Variants in STK32B observed in about 807,000 individuals in gnomAD.
STK32B encodes serine/threonine-protein kinase 32B.
Under a neutral mutation model 52.6 loss-of-function variants are expected in STK32B, and 43 were observed. The observed-to-expected ratio is 0.82, with a 90% CI of 0.64 to 1.05. The LOEUF (loss-of-function observed/expected upper bound fraction) is 1.05, where lower values mean the gene tolerates loss of function less well. STK32B is among the 50% of genes least tolerant of loss of function. STK32B has a pLI of 0.00. For missense variants in STK32B, 621 were observed against 534.6 expected, an observed-to-expected ratio of 1.16 and a Z score of -1.59; for synonymous variants, 238 against 204.3, an observed-to-expected ratio of 1.17 and a Z score of -1.41.
At chr4:5,164,932 G>A (rs1002402967) in intron 2 of STK32B, among the ~76,000 whole-genome samples, 3 of 152,158 alleles carry the variant, frequency 2.0e-5, no homozygotes, top group Non-Finnish European at 4.4e-5. Context: ...TAATTAAGCT[G>A]TTGTTACCAA....
At chr4:5,266,635 A>G (rs998554197) in intron 3 of STK32B, among the ~76,000 whole-genome samples, 2 of 152,192 alleles carry the variant, frequency 1.3e-5, no homozygotes, top group African/African-American at 4.8e-5. Context: ...TCTCATATTA[A>G]TTGAGTATTT....
chr4:5,028,341 A>G, the STK32B span, among the ~76,000 whole-genome samples: 1 of 152,102 alleles, frequency 6.6e-6, no homozygotes, highest in Non-Finnish European at 1.5e-5. Context: ...ATGATTTTCT[A>G]TTTGTGTGAA....
At chr4:5,322,830 A>G (rs1271593589) in intron 3 of STK32B, among the ~76,000 whole-genome samples, 5 of 152,168 alleles carry the variant, frequency 3.3e-5, no homozygotes, top group Admixed American at 2.6e-4. Flanking sequence ...CCAACTCCAG[A>G]TTTCCCCCAG....
At chr4:5,483,017 A>G (rs1007677037) in intron 11 of STK32B, among the ~76,000 whole-genome samples, 2 of 152,148 alleles carry the variant, frequency 1.3e-5, no homozygotes, top group African/African-American at 4.8e-5. Flanking sequence ...TTTTGCATCA[A>G]TGTTCATCAA....
At chr4:5,496,111 TCAGA>T (rs1720221754) in intron 11 of STK32B, among the ~76,000 whole-genome samples, 1 of 152,226 alleles carries the variant, frequency 6.6e-6, no homozygotes, top group Non-Finnish European at 1.5e-5. Flanking sequence ...TTCAAAGCTG[TCAGA>T]CAGGGACATT....
intron 2 of STK32B, among the ~76,000 whole-genome samples, chr4:5,156,061 A>C (rs1267959608): frequency 6.6e-6 from 1 of 151,950 alleles, no homozygotes; most frequent in African/African-American, 2.4e-5. Context: ...CATACAGTAC[A>C]CATATTCATA....
intron 4 of STK32B, among the ~76,000 whole-genome samples, chr4:5,372,317 G>A (rs1735294876): frequency 6.6e-6 from 1 of 152,138 alleles, no homozygotes; most frequent in Admixed American, 6.5e-5. Context: ...TGTAGCTCTG[G>A]GTACTTCCCT....
At chr4:5,122,487 TCA>T (rs1322062039) in intron 1 of STK32B, among the ~76,000 whole-genome samples, 1 of 152,098 alleles carries the variant, frequency 6.6e-6, no homozygotes, top group Non-Finnish European at 1.5e-5. Context: ...ACTCATTCAT[TCA>T]CACACATTCA....
chr4:5,368,012 CA>C (rs961474432), intron 4 of STK32B, among the ~76,000 whole-genome samples: 1 of 152,288 alleles, frequency 6.6e-6, no homozygotes. Flanking sequence ...GTGTGGAGGT[CA>C]GGGTCTGCCT....
intron 3 of STK32B, among the ~76,000 whole-genome samples, chr4:5,244,320 G>C (rs1200039352): frequency 6.6e-6 from 1 of 152,052 alleles, no homozygotes; most frequent in Non-Finnish European, 1.5e-5. Context: ...TGTATGTGTT[G>C]AGGAATTTAT....
intron 3 of STK32B, among the ~76,000 whole-genome samples, chr4:5,185,145 T>G (rs1720649796): frequency 6.6e-6 from 1 of 152,246 alleles, no homozygotes. Context: ...TTCATTCATG[T>G]GTTCGGACTG....
chr4:5,132,797 CTT>C (rs528617198), intron 1 of STK32B, among the ~76,000 whole-genome samples: 6 of 145,182 alleles, frequency 4.1e-5, no homozygotes, highest in South Asian at 4.4e-4. Flanking sequence ...GAATTTACCA[CTT>C]TTTTTTTTTT....
chr4:5,462,322 C>T (rs899290187), intron 9 of STK32B, among the ~76,000 whole-genome samples: 12 of 150,768 alleles, frequency 8.0e-5, no homozygotes, highest in African/African-American at 2.9e-4. Flanking sequence ...GTCTGTGTGT[C>T]TGTATGTCTA....
intron 4 of STK32B, among the ~76,000 whole-genome samples, chr4:5,336,188 G>C (rs1295335477): frequency 1.3e-5 from 2 of 148,990 alleles, no homozygotes; most frequent in Non-Finnish European, 3.0e-5. Flanking sequence ...ACACACAACT[G>C]AGATCAAAGA....
intron 1 of STK32B, among the ~76,000 whole-genome samples, chr4:5,127,347 C>G (rs370551772): frequency 3.9e-4 from 60 of 152,252 alleles, no homozygotes; most frequent in African/African-American, 1.4e-3. Context: ...GATAACCAGG[C>G]AGCTCTTGAG....
intron 3 of STK32B, among the ~76,000 whole-genome samples, chr4:5,264,339 G>A (rs1425809204): frequency 6.6e-6 from 1 of 152,202 alleles, no homozygotes; most frequent in Middle Eastern, 3.2e-3. Context: ...ATTCTAGGCA[G>A]TGTGCTTTGG....
intron 5 of STK32B, among the ~76,000 whole-genome samples, chr4:5,412,542 T>C (rs992940188): frequency 3.3e-5 from 5 of 152,152 alleles, no homozygotes; most frequent in African/African-American, 1.2e-4. Flanking sequence ...TCAGGACTGT[T>C]TGACCCAGCT....
At chr4:5,326,206 A>G (rs1419578694) in intron 3 of STK32B, among the ~76,000 whole-genome samples, 2 of 152,164 alleles carry the variant, frequency 1.3e-5, no homozygotes, top group African/African-American at 4.8e-5. Context: ...TATTAATGCA[A>G]TGTTTCAATA....
chr4:5,205,997 C>A (rs1722551788), intron 3 of STK32B, among the ~76,000 whole-genome samples: 1 of 152,144 alleles, frequency 6.6e-6, no homozygotes, highest in South Asian at 2.1e-4. Context: ...GGTGCCCTAG[C>A]CCAGTCCAGT....
Sources: gnomAD v4.1 joint callset for allele counts (sites outside exome capture counted in the v4.1 genomes callset) on GRCh38, gnomAD v4.1.1 for gene constraint, MANE v1.5 for transcripts, NCBI Gene and HGNC (gene_info 2026-07-23, HGNC 2026-07-21) for gene names.